Variants in PCNX1 observed in about 807,000 individuals in gnomAD.
PCNX1 encodes pecanex 1.
A neutral mutation model predicts 242.2 loss-of-function variants in PCNX1; 78 were observed. The ratio of observed to expected loss-of-function variants is 0.32; its 90% CI spans 0.27 to 0.39. The LOEUF (loss-of-function observed/expected upper bound fraction) is 0.39, where lower values mean the gene tolerates loss of function less well. Ranked by LOEUF, PCNX1 falls within the 10% of genes least tolerant of loss-of-function variation. The pLI is 1.00. For synonymous variants in PCNX1, 1,024 were observed against 1,032.9 expected (o/e 0.99, Z 0.17); for missense variants, 2,581 against 2,856.5 (o/e 0.90, Z 2.20).
chr14:71,021,601 A>G (rs984999520), intron 12 of PCNX1, among the ~76,000 whole-genome samples: 1 of 151,858 alleles, frequency 6.6e-6, no homozygotes, highest in Non-Finnish European at 1.5e-5. Flanking sequence ...TTTCTTTAAG[A>G]CCCATCCATA....
At chr14:71,088,306 C>G in intron 28 of PCNX1, 24 bp from the exon 29 acceptor site, 1 of 1,355,388 alleles carries the variant, frequency 7.4e-7, no homozygotes, top group South Asian at 1.2e-5. Flanking sequence ...TTTCTGATAA[C>G]TAATGTTTTT....
chr14:70,938,308 C>T (rs1238914732), intron 1 of PCNX1, among the ~76,000 whole-genome samples: 2 of 151,866 alleles, frequency 1.3e-5, no homozygotes, highest in African/African-American at 4.8e-5. Flanking sequence ...TACGTCCCAT[C>T]AATACCTAAT....
chr14:70,915,335 T>C (rs2056108720), intron 1 of PCNX1, among the ~76,000 whole-genome samples: 1 of 152,168 alleles, frequency 6.6e-6, no homozygotes, highest in Admixed American at 6.5e-5. Flanking sequence ...TTTAAAAATC[T>C]TTTTGTTCAG....
intron 3 of PCNX1, among the ~76,000 whole-genome samples, chr14:70,963,471 T>TAGC (rs2058283044): frequency 6.6e-6 from 1 of 152,314 alleles, no homozygotes; most frequent in South Asian, 2.1e-4. Flanking sequence ...AATGAGTAAA[T>TAGC]AGCAGATATA....
At chr14:71,098,612 G>T (rs2062374214) in intron 30 of PCNX1, among the ~76,000 whole-genome samples, 1 of 150,868 alleles carries the variant, frequency 6.6e-6, no homozygotes, top group African/African-American at 2.4e-5. Flanking sequence ...TTTTCGGCTT[G>T]AATATTATTG....
At chr14:70,950,976 C>T (rs1461905369) in intron 2 of PCNX1, among the ~76,000 whole-genome samples, 1 of 151,788 alleles carries the variant, frequency 6.6e-6, no homozygotes, top group Non-Finnish European at 1.5e-5. Flanking sequence ...CTTTTGATAA[C>T]GTTTTCTAAG....
chr14:71,018,277 A>C (rs921471984), intron 11 of PCNX1, among the ~76,000 whole-genome samples: 5 of 152,068 alleles, frequency 3.3e-5, no homozygotes, highest in Non-Finnish European at 7.4e-5. Flanking sequence ...TTGTGAATAA[A>C]ATTTTCCCAA....
At chr14:71,071,003 G>A (rs2061573483) in intron 26 of PCNX1, among the ~76,000 whole-genome samples, 2 of 152,220 alleles carry the variant, frequency 1.3e-5, no homozygotes, top group African/African-American at 2.4e-5. Flanking sequence ...ATTTGCTGCA[G>A]CTTTAACGTC....
At position 70,984,318 on chromosome 14, in the gene PCNX1, G is replaced by A. The variant is rs1275380710; in HGVS notation, c.2312-4249G>A. Among the ~76,000 whole-genome samples, 3 of 151,436 alleles carry A rather than the reference G, an allele frequency of 2.0e-5. No homozygotes were observed. The East Asian group carries it at 5.8e-4, about 29-fold the overall frequency. ...GAGCTACTGCAAGATGCCAACCATA[G>A]CAGTACATGACAACTAGAAAGTGAC... On this transcript the variant is annotated intron_variant, in intron 6 of 35. Coordinates refer to ENST00000304743, the MANE Select transcript of PCNX1 (RefSeq NM_014982.3).
At chr14:71,008,152 GT>G (rs914477975) in intron 8 of PCNX1, among the ~76,000 whole-genome samples, 1 of 151,912 alleles carries the variant, frequency 6.6e-6, no homozygotes, top group African/African-American at 2.4e-5. Flanking sequence ...TCAAATTGTT[GT>G]TTTTTTCCTG....
intron 2 of PCNX1, among the ~76,000 whole-genome samples, chr14:70,958,898 CT>C (rs56362741): frequency 0.041 from 2,725 of 66,258 alleles, 27 homozygotes; most frequent in Middle Eastern, 0.083. Context: ...TTTGGGGTTG[CT>C]TTTTTTTTTT....
At chr14:71,084,082 T>C (rs574175999) in intron 28 of PCNX1, among the ~76,000 whole-genome samples, 16 of 152,214 alleles carry the variant, frequency 1.1e-4, no homozygotes, top group Non-Finnish European at 4.4e-5. Context: ...TTTCTGTTTG[T>C]TAGTTTTCCT....
At chr14:70,960,959 G>C (rs2058189304) in intron 2 of PCNX1, among the ~76,000 whole-genome samples, 1 of 152,056 alleles carries the variant, frequency 6.6e-6, no homozygotes, top group Non-Finnish European at 1.5e-5. Flanking sequence ...AACTTACAAG[G>C]GATGTGAAGG....
At chr14:70,952,738 C>T (rs2057836924) in intron 2 of PCNX1, among the ~76,000 whole-genome samples, 1 of 152,032 alleles carries the variant, frequency 6.6e-6, no homozygotes, top group Non-Finnish European at 1.5e-5. Context: ...CAGATTATTT[C>T]TAGTGTTTTT....
intron 2 of PCNX1, among the ~76,000 whole-genome samples, chr14:70,948,739 G>GTATATATGTGTA (rs60628602): frequency 7.0e-6 from 1 of 142,024 alleles, no homozygotes; most frequent in African/African-American, 2.5e-5. Context: ...ATATATATGT[G>GTATATATGTGTA]TATATGTACA....
At chr14:71,007,750 G>C (rs1566690404) in intron 8 of PCNX1, among the ~76,000 whole-genome samples, 1 of 151,828 alleles carries the variant, frequency 6.6e-6, no homozygotes. Flanking sequence ...ATTAAAAACT[G>C]CAATTAAAAT....
intron 27 of PCNX1, among the ~76,000 whole-genome samples, chr14:71,074,379 T>C (rs2061659807): frequency 6.6e-6 from 1 of 152,222 alleles, no homozygotes; most frequent in Non-Finnish European, 1.5e-5. Context: ...GGTAAGTTGC[T>C]AGAAACACCC....
chr14:70,962,264 G>A lies in PCNX1; in HGVS notation c.401G>A (p.Arg134Gln), dbSNP rs768926819. The A allele has an allele frequency of 8.7e-6, 14 of 1,613,374 alleles. No homozygotes were observed. The highest frequency in any genetic ancestry group is 7.7e-5 in the South Asian group (7 of 91,060). ...GGGATTGAAATGTCTGAGTTCATCC[G>A]AGAGGCCACACCCCCAGTTGGTTGC... The part of the protein sequence containing the change: ...GGGIEMSEFI[R>Q]EATPPVGCSS... Residue 134 changes from arginine to glutamine, a missense_variant, in exon 3 of 36, where the codon CGA becomes CAA. Transcript: ENST00000304743.
At chr14:70,926,327 C>T (rs1594912622) in intron 1 of PCNX1, among the ~76,000 whole-genome samples, 1 of 151,360 alleles carries the variant, frequency 6.6e-6, no homozygotes, top group African/African-American at 2.4e-5. Flanking sequence ...ACTCTCTTGC[C>T]ATTGCCCCTG....
Sources: allele counts gnomAD v4.1 joint callset (sites outside exome capture counted in the v4.1 genomes callset), GRCh38; gene constraint gnomAD v4.1.1; transcripts MANE v1.5; gene names NCBI Gene and HGNC (gene_info 2026-07-23, HGNC 2026-07-21).